NYAP2: variants seen among roughly 807,000 people sequenced by gnomAD.
NYAP2 encodes the protein neuronal tyrosine-phosphorylated phosphoinositide-3-kinase adapter 2.
Under a neutral mutation model 50.4 loss-of-function variants are expected in NYAP2, and 23 were observed. That is an observed-to-expected ratio of 0.46 (90% CI 0.33 to 0.65). NYAP2 has a LOEUF of 0.65. Among genes scored for constraint, NYAP2 ranks in the 30% least tolerant of loss-of-function variants. NYAP2 has a pLI of 0.02. For synonymous variants in NYAP2, 394 were observed against 365.2 expected, an observed-to-expected ratio of 1.08 and a Z score of -0.90; for missense variants, 885 against 861.0, an observed-to-expected ratio of 1.03 and a Z score of -0.35.
intron 3 of NYAP2, among the ~76,000 whole-genome samples, chr2:225,419,734 C>T (rs914267378): frequency 2.0e-5 from 3 of 152,132 alleles, no homozygotes; most frequent in Admixed American, 6.5e-5. Context: ...ATTATTTTTA[C>T]TGTCACCATT....
the NYAP2 span, among the ~76,000 whole-genome samples, chr2:225,681,416 C>A: frequency 6.6e-6 from 1 of 152,204 alleles, no homozygotes; most frequent in East Asian, 1.9e-4. Context: ...CAGCAATGGG[C>A]CAAAAGCAGA....
intron 3 of NYAP2, among the ~76,000 whole-genome samples, chr2:225,427,303 A>C (rs1695301819): frequency 6.6e-6 from 1 of 152,222 alleles, no homozygotes; most frequent in Admixed American, 6.5e-5. Flanking sequence ...ATGTGATACT[A>C]AGTGAGATAC....
At chr2:225,407,128 A>C (rs1694954811) in intron 2 of NYAP2, among the ~76,000 whole-genome samples, 1 of 151,968 alleles carries the variant, frequency 6.6e-6, no homozygotes, top group Non-Finnish European at 1.5e-5. Flanking sequence ...AGGCACTCCT[A>C]GTGCAAAAGT....
At chr2:225,496,898 C>G (rs1371167321) in intron 3 of NYAP2, among the ~76,000 whole-genome samples, 2 of 152,134 alleles carry the variant, frequency 1.3e-5, no homozygotes, top group African/African-American at 4.8e-5. Flanking sequence ...AAGATACTGC[C>G]TCCATTGTAA....
intron 3 of NYAP2, 63 bp downstream of exon 3, chr2:225,409,164 A>C: frequency 8.2e-7 from 1 of 1,226,170 alleles, no homozygotes; most frequent in Non-Finnish European, 1.1e-6. Context: ...GGGCTGCTAA[A>C]GTTGTGATGT....
intron 3 of NYAP2, among the ~76,000 whole-genome samples, chr2:225,510,584 C>T (rs1205495271): frequency 6.6e-6 from 1 of 152,172 alleles, no homozygotes; most frequent in Non-Finnish European, 1.5e-5. Context: ...CTTTCTGGGT[C>T]TCTTGAACCT....
intron 4 of NYAP2, among the ~76,000 whole-genome samples, chr2:225,530,411 C>T (rs763324138): frequency 1.1e-4 from 16 of 152,168 alleles, no homozygotes; most frequent in African/African-American, 1.9e-4. Context: ...AATTGAATCT[C>T]GGTTCTCTTC....
intron 4 of NYAP2, among the ~76,000 whole-genome samples, chr2:225,542,570 A>G (rs1054709657): frequency 1.3e-5 from 2 of 152,158 alleles, no homozygotes; most frequent in African/African-American, 4.8e-5. Flanking sequence ...GATATATCAC[A>G]TTAATTGATT....
chr2:225,508,559 A>C (rs1407236398), intron 3 of NYAP2, among the ~76,000 whole-genome samples: 1 of 152,178 alleles, frequency 6.6e-6, no homozygotes, highest in Non-Finnish European at 1.5e-5. Flanking sequence ...AGAAGGAGGA[A>C]GCAGAAGAGG....
chr2:225,487,240 C>T (rs1453840717), intron 3 of NYAP2, among the ~76,000 whole-genome samples: 1 of 152,242 alleles, frequency 6.6e-6, no homozygotes, highest in Non-Finnish European at 1.5e-5. Flanking sequence ...GTGGACAGTG[C>T]ACATACATGA....
At chr2:225,483,493 A>C (rs1044890906) in intron 3 of NYAP2, among the ~76,000 whole-genome samples, 1 of 152,188 alleles carries the variant, frequency 6.6e-6, no homozygotes, top group Non-Finnish European at 1.5e-5. Flanking sequence ...ACTGGTAAAC[A>C]TTGGGTAAAA....
At chr2:225,597,643 T>C (rs1455653206) in intron 5 of NYAP2, among the ~76,000 whole-genome samples, 1 of 150,290 alleles carries the variant, frequency 6.7e-6, no homozygotes. Flanking sequence ...ATCTTTTTTG[T>C]ATAATGACTT....
intron 4 of NYAP2, among the ~76,000 whole-genome samples, chr2:225,556,968 T>C (rs1403585142): frequency 6.6e-6 from 1 of 152,174 alleles, no homozygotes; most frequent in African/African-American, 2.4e-5. Flanking sequence ...TTCAAATGTC[T>C]CTCTTTCTGA....
At chr2:225,638,388 A>C (rs1246464055) in intron 6 of NYAP2, among the ~76,000 whole-genome samples, 1 of 151,920 alleles carries the variant, frequency 6.6e-6, no homozygotes, top group Non-Finnish European at 1.5e-5. Context: ...AGCACAAGAG[A>C]CTGGGTGAAT....
intron 5 of NYAP2, among the ~76,000 whole-genome samples, chr2:225,598,748 T>C (rs7590699): frequency 0.38 from 57,387 of 152,136 alleles, 10,977 homozygotes; most frequent in Non-Finnish European, 0.4. Context: ...CACAAATGGC[T>C]TCATTGTCAA....
At chr2:225,688,272 T>A in the NYAP2 span, among the ~76,000 whole-genome samples, 1 of 152,260 alleles carries the variant, frequency 6.6e-6, no homozygotes, top group Non-Finnish European at 1.5e-5. Context: ...TTTGTTAACT[T>A]TGTACAATTT....
the NYAP2 span, chr2:225,699,165 G>T: frequency 6.6e-6 from 1 of 151,850 alleles, no homozygotes; most frequent in South Asian, 2.1e-4. Flanking sequence ...TTGCTACATT[G>T]GCTTTATAAG....
intron 6 of NYAP2, among the ~76,000 whole-genome samples, chr2:225,648,788 G>T (rs972580535): frequency 6.6e-6 from 1 of 152,104 alleles, no homozygotes; most frequent in Non-Finnish European, 1.5e-5. Flanking sequence ...AAGCACAGGG[G>T]CTCAAAATCA....
chr2:225,429,339 G>A (rs1187555479), intron 3 of NYAP2, among the ~76,000 whole-genome samples: 7 of 152,106 alleles, frequency 4.6e-5, no homozygotes, highest in Non-Finnish European at 5.9e-5. Context: ...ATAACCAAGA[G>A]GACCTTCTGA....
Sources: allele counts gnomAD v4.1 joint callset (sites outside exome capture counted in the v4.1 genomes callset), GRCh38; gene constraint gnomAD v4.1.1; transcripts MANE v1.5; gene names NCBI Gene and HGNC (gene_info 2026-07-23, HGNC 2026-07-21).